The following FRMD5 variants were observed in gnomAD, a reference collection of about 807,000 sequenced individuals.
The protein encoded by FRMD5 is FERM domain-containing protein 5.
Under a neutral mutation model 69.0 loss-of-function variants are expected in FRMD5, and 20 were observed. That is an observed-to-expected ratio of 0.29 (90% confidence interval 0.20 to 0.42). The LOEUF is 0.42. FRMD5 is among the 10% of genes least tolerant of loss of function. The pLI, the probability that FRMD5 is intolerant of heterozygous loss-of-function variation, is 1.00. For synonymous variants in FRMD5, 271 were observed against 260.1 expected (o/e 1.04, Z -0.40); for missense variants, 595 against 708.6 (o/e 0.84, Z 1.82).
intron 1 of FRMD5, among the ~76,000 whole-genome samples, chr15:44,130,301 T>C (rs892576505): frequency 1.3e-5 from 2 of 152,240 alleles, no homozygotes; most frequent in African/African-American, 4.8e-5. Flanking sequence ...CTCGCCTTCA[T>C]GGCCTTTTTC....
rs566413771 is a variant in FRMD5, at chr15:44,193,278, TTA to T, written c.102+1673_102+1674del. ...CATACCCCAAAAGTATTCTTAGGAC[TTA>T]TAAAGTCTAAATCTCACACTCCCCT... is the stretch of plus-strand genomic sequence containing the variant. On this transcript the variant is annotated intron_variant, in intron 1 of 13. Coordinates refer to ENST00000417257, the MANE Select transcript of FRMD5 (RefSeq NM_032892.5). Among the ~76,000 whole-genome samples the T allele has an allele frequency of 3.5e-4, 53 of 152,342 alleles. 1 individual carries two copies. In the South Asian group the frequency reaches 0.011, roughly 30 times the overall value.
At chr15:43,944,316 C>A (rs1232776812) in intron 1 of FRMD5, among the ~76,000 whole-genome samples, 4 of 152,244 alleles carry the variant, frequency 2.6e-5, no homozygotes, top group Admixed American at 2.6e-4. Context: ...CCACCAGTTC[C>A]ATTCCCATGA....
At chr15:44,157,856 G>A (rs2077552511) in intron 1 of FRMD5, among the ~76,000 whole-genome samples, 1 of 151,916 alleles carries the variant, frequency 6.6e-6, no homozygotes, top group Non-Finnish European at 1.5e-5. Context: ...TAAAAAAAAA[G>A]AAACTTCAAG....
At chr15:43,921,832 A>C (rs981015424) in intron 2 of FRMD5, among the ~76,000 whole-genome samples, 1 of 152,200 alleles carries the variant, frequency 6.6e-6, no homozygotes, top group East Asian at 1.9e-4. Flanking sequence ...ATCCTGGGGA[A>C]GGAAAGTAAG....
At chr15:44,011,018 C>T (rs1890693686) in intron 1 of FRMD5, among the ~76,000 whole-genome samples, 1 of 152,028 alleles carries the variant, frequency 6.6e-6, no homozygotes, top group East Asian at 1.9e-4. Flanking sequence ...AACTGGAATG[C>T]AGGTGGAAAA....
At chr15:43,933,416 G>A (rs1024830916) in intron 1 of FRMD5, among the ~76,000 whole-genome samples, 5 of 152,162 alleles carry the variant, frequency 3.3e-5, no homozygotes, top group African/African-American at 9.7e-5. Context: ...GCTGGGCCCC[G>A]CCCCTAAAGT....
intron 1 of FRMD5, among the ~76,000 whole-genome samples, chr15:44,005,180 T>G (rs1301350549): frequency 6.6e-6 from 1 of 152,182 alleles, no homozygotes; most frequent in Non-Finnish European, 1.5e-5. Flanking sequence ...ACTCTCATAC[T>G]GCTATAAAGA....
At chr15:43,894,870 C>T (rs1220090239) in intron 7 of FRMD5, among the ~76,000 whole-genome samples, 1 of 152,186 alleles carries the variant, frequency 6.6e-6, no homozygotes, top group African/African-American at 2.4e-5. Context: ...GGTCAGACTC[C>T]TTGTCTTAGA....
intron 1 of FRMD5, among the ~76,000 whole-genome samples, chr15:44,105,875 T>C (rs1232562122): frequency 2.0e-5 from 3 of 152,318 alleles, no homozygotes; most frequent in African/African-American, 7.2e-5. Context: ...CCTTGGGGAC[T>C]GGTTCCAGGA....
chr15:44,019,733 G>A (rs1891126942), intron 1 of FRMD5, among the ~76,000 whole-genome samples: 1 of 83,010 alleles, frequency 1.2e-5, no homozygotes, highest in Admixed American at 1.9e-4. Flanking sequence ...GCAAGAGTCT[G>A]TCTCAAAAAA....
intron 1 of FRMD5, among the ~76,000 whole-genome samples, chr15:44,120,718 C>T (rs1436793470): frequency 6.6e-6 from 1 of 150,404 alleles, no homozygotes; most frequent in African/African-American, 2.4e-5. Flanking sequence ...TTAATAGAGA[C>T]GGGGTTTCAC....
chr15:43,928,208 T>C (rs1282731202), intron 1 of FRMD5, among the ~76,000 whole-genome samples: 1 of 152,228 alleles, frequency 6.6e-6, no homozygotes. Flanking sequence ...ATTTACCAGT[T>C]ACCAGTGTTA....
At chr15:44,096,206 CAAAA>C (rs1213347011) in intron 1 of FRMD5, among the ~76,000 whole-genome samples, 6 of 47,900 alleles carry the variant, frequency 1.3e-4, no homozygotes, top group Non-Finnish European at 2.4e-4. Context: ...AACTCCATCT[CAAAA>C]AAAAAAAAAA....
chr15:44,128,094 C>T (rs1192484159), intron 1 of FRMD5, among the ~76,000 whole-genome samples: 1 of 152,134 alleles, frequency 6.6e-6, no homozygotes, highest in African/African-American at 2.4e-5. Context: ...AGTTACATTT[C>T]AATGAAGCTT....
chr15:43,993,940 G>A (rs1168073912), intron 1 of FRMD5, among the ~76,000 whole-genome samples: 5 of 152,084 alleles, frequency 3.3e-5, no homozygotes, highest in Admixed American at 6.5e-5. Context: ...ATGTTTTGCC[G>A]TCCTTTTACT....
chr15:43,987,901 T>C lies in FRMD5; in HGVS notation c.103-63592A>G, dbSNP rs1243059824. 2.6e-5 allele frequency among the ~76,000 whole-genome samples: 4 copies of C among 152,174 alleles called. No homozygotes were observed. In the East Asian group the frequency reaches 5.8e-4, roughly 22 times the overall value. ...AAATAATTATAAATTCACCATAATG[T>C]AGAATCAGTGGGAGCCCTGAGCTGC... is the stretch of plus-strand genomic sequence containing the variant. On this transcript the variant is annotated intron_variant, in intron 1 of 13. Coordinates refer to ENST00000417257, the MANE Select transcript of FRMD5 (RefSeq NM_032892.5).
chr15:44,083,392 G>A (rs1453151220), intron 1 of FRMD5, among the ~76,000 whole-genome samples: 1 of 151,964 alleles, frequency 6.6e-6, no homozygotes, highest in Non-Finnish European at 1.5e-5. Flanking sequence ...GTCTTGCATG[G>A]TTACTAATTG....
At chr15:43,905,784 G>A in intron 6 of FRMD5, 44 bp downstream of exon 6, 1 of 1,611,218 alleles carries the variant, frequency 6.2e-7, no homozygotes, top group Non-Finnish European at 8.5e-7. Context: ...TGCTCAGGCT[G>A]TGGAGAAGCC....
rs35080273 is a variant in FRMD5, at chr15:44,172,094, C to CTTT, written c.102+22856_102+22858dup. ...TGGCTTTTAACACAATATCACTACA[C>CTTT]TTTTTTTTTTTTTTGAGGCAGGGCC... On this transcript the variant is annotated intron_variant, in intron 1 of 13. Transcript: ENST00000417257. Among the ~76,000 whole-genome samples the CTTT allele has an allele frequency of 3.0e-3, 415 of 140,552 alleles. 3 individuals are homozygous for CTTT. The highest frequency in any genetic ancestry group is 0.01 in the African/African-American group (387 of 38,488). The allele number at this position is 140,552 out of a possible 152,430, so 92.2% of individuals were successfully genotyped here.
Sources: gnomAD v4.1 joint callset for allele counts (sites outside exome capture counted in the v4.1 genomes callset) on GRCh38, gnomAD v4.1.1 for gene constraint, MANE v1.5 for transcripts, NCBI Gene and HGNC (gene_info 2026-07-23, HGNC 2026-07-21) for gene names.